BCCIP: variants seen among roughly 807,000 people sequenced by gnomAD.
The protein encoded by BCCIP is BRCA2 and CDKN1A interacting protein.
A neutral mutation model predicts 32.8 loss-of-function variants in BCCIP; 23 were observed. That is an observed-to-expected ratio of 0.70 (90% CI 0.51 to 0.99). The LOEUF (loss-of-function observed/expected upper bound fraction) is 0.99. BCCIP is among the 50% of genes least tolerant of loss of function. BCCIP has a pLI of 0.00. For synonymous variants in BCCIP, 144 were observed against 137.6 expected (o/e 1.05, Z -0.33); for missense variants, 378 against 379.8 (o/e 1.00, Z 0.04).
chr10:125,825,137 C>CT (rs762620555), intron 1 of BCCIP, among the ~76,000 whole-genome samples: 102 of 152,348 alleles, frequency 6.7e-4, no homozygotes, highest in Non-Finnish European at 1.3e-3. Flanking sequence ...CATGGGAAAT[C>CT]TATCACACCA....
At chr10:125,828,429 C>T (rs1225191088) in intron 3 of BCCIP, among the ~76,000 whole-genome samples, 1 of 152,106 alleles carries the variant, frequency 6.6e-6, no homozygotes, top group Non-Finnish European at 1.5e-5. Flanking sequence ...AAGGGACAGA[C>T]ACCTTAGTAA....
downstream of BCCIP, among the ~76,000 whole-genome samples, chr10:125,843,598 C>T (rs368751797): frequency 1.3e-5 from 2 of 151,232 alleles, no homozygotes; most frequent in Non-Finnish European, 2.9e-5. Flanking sequence ...GGCGACAGAG[C>T]GAGACTCCGT....
chr10:125,847,043 T>C (rs1002684778), downstream of BCCIP, among the ~76,000 whole-genome samples: 4 of 152,188 alleles, frequency 2.6e-5, no homozygotes, highest in Admixed American at 6.5e-5. Context: ...AGTTTCTGTT[T>C]CTGATTTATT....
chr10:125,843,630 TCA>T (rs1854940001), downstream of BCCIP, among the ~76,000 whole-genome samples: 1 of 151,570 alleles, frequency 6.6e-6, no homozygotes, highest in African/African-American at 2.4e-5. Flanking sequence ...AAAAACCTAC[TCA>T]CAAACTTCGA....
chr10:125,825,239 C>G (rs1854362002), intron 1 of BCCIP, among the ~76,000 whole-genome samples: 1 of 78,810 alleles, frequency 1.3e-5, no homozygotes, highest in African/African-American at 4.2e-5. Context: ...TGGAGATGAG[C>G]CCATACCCAG....
chr10:125,838,887 G>A (rs1854782783), downstream of BCCIP: 1 of 1,216,636 alleles, frequency 8.2e-7, no homozygotes, highest in Non-Finnish European at 1.1e-6. Flanking sequence ...TAATAACATG[G>A]ATTTTTAGTT....
At chr10:125,837,775 A>C (rs761616657), downstream of BCCIP, among the ~76,000 whole-genome samples, 5 of 152,172 alleles carry the variant, frequency 3.3e-5, no homozygotes, top group Non-Finnish European at 2.9e-5. Flanking sequence ...TGTGTACTGC[A>C]CTTAGATAAA....
intron 5 of BCCIP, among the ~76,000 whole-genome samples, chr10:125,832,137 T>C (rs1223702590): frequency 6.6e-6 from 1 of 152,222 alleles, no homozygotes; most frequent in Non-Finnish European, 1.5e-5. Flanking sequence ...AAGAATTGTA[T>C]TGTCTGTGCT....
At chr10:125,831,671 C>T in intron 5 of BCCIP, 64 bp downstream of exon 5, 1 of 1,458,114 alleles carries the variant, frequency 6.9e-7, no homozygotes. Context: ...TCCTAAATGT[C>T]ATTTAAGTAG....
At chr10:125,823,926 A>C (rs1483019579) in intron 1 of BCCIP, among the ~76,000 whole-genome samples, 1 of 152,180 alleles carries the variant, frequency 6.6e-6, no homozygotes, top group African/African-American at 2.4e-5. Context: ...AGTCCGGTCC[A>C]GTTAATCTCC....
At position 125,830,610 on chromosome 10, in the gene BCCIP, GT is replaced by G; in HGVS notation, c.375del (p.Phe125LeufsTer4). On this transcript the variant is annotated frameshift_variant, in exon 4 of 7. Transcript: ENST00000278100. LOFTEE classifies it high-confidence loss of function. ...DSNDDMDEDEVFGFISLLNLT... is the reference protein window; with the variant it reads ...DSNDDMDEDEXFGFISLLNLT... ...CAATGATGATATGGATGAAGATGAGGTTTTTGGTTTCATAAGCCTTTTAAAT... is the reference window on the plus strand; with the variant it reads ...CAATGATGATATGGATGAAGATGAGGTTTTGGTTTCATAAGCCTTTTAAAT... 2 of 1,609,262 alleles carry G rather than the reference GT, an allele frequency of 1.2e-6. No individual in the cohort carries two copies. The highest frequency in any genetic ancestry group is 1.1e-5 in the South Asian group (1 of 89,614).
chr10:125,846,795 G>T (rs1285053154), downstream of BCCIP, among the ~76,000 whole-genome samples: 2 of 152,118 alleles, frequency 1.3e-5, no homozygotes, highest in Non-Finnish European at 2.9e-5. Flanking sequence ...AGAATCAATG[G>T]CTCCCTTTCT....
At chr10:125,824,840 G>A (rs187444879) in intron 1 of BCCIP, among the ~76,000 whole-genome samples, 412 of 152,190 alleles carry the variant, frequency 2.7e-3, no homozygotes, top group Admixed American at 4.3e-3. Context: ...ATTGAGGGAC[G>A]GAAAGGCAGC....
chr10:125,852,398 G>C lies in BCCIP; in HGVS notation c.851-727G>C, dbSNP rs762647404. 1.9e-6 allele frequency: 3 copies of C among 1,614,218 alleles called. No homozygotes were observed. The South Asian group carries it at 3.3e-5, about 18-fold the overall frequency. ...GCTTCCTGCATTTCTGCTGGCTTCA[G>C]TGGCGTCATGTCTTTGGAGGCAAAT... On this transcript the variant is annotated intron_variant, in intron 7 of 7. Coordinates refer to the BCCIP transcript ENST00000368759.
rs761988942 is a variant in BCCIP, at chr10:125,827,540, A to AT, written c.241-12dup. 1.3e-6 allele frequency: 2 copies of AT among 1,536,218 alleles called. No individual in the cohort carries two copies. The highest frequency in any genetic ancestry group is 1.7e-5 in the Admixed American group (1 of 57,216). ...CATGCTTTGATCTTAATTTAAAATA[A>AT]TTTTTTCCTCCTTTTAGCTTTTTCT... On this transcript the variant is annotated splice_polypyrimidine_tract_variant and intron_variant, in intron 2 of 6. Transcript: ENST00000278100.
At chr10:125,836,922 G>A, downstream of BCCIP, 3 of 1,413,022 alleles carry the variant, frequency 2.1e-6, no homozygotes, top group East Asian at 7.0e-5. Context: ...CAAACATTAT[G>A]TCTGGGCACT....
Position 125,841,906 on chromosome 10 carries a change from T to C in BCCIP, c.*547T>C. 2 of 1,601,124 alleles carry C rather than the reference T, an allele frequency of 1.2e-6. No individual in the cohort carries two copies. The highest frequency in any genetic ancestry group is 1.7e-6 in the Non-Finnish European group (2 of 1,176,600). On this transcript the variant is annotated 3_prime_UTR_variant, in exon 7 of 7. Transcript: ENST00000299130. Reference sequence around the variant, plus strand: ...CCAGTGCTGCCAGATAATCTAAGTCTTCCAATGCCTGCATCAAACTTTCTG... The same window carrying C: ...CCAGTGCTGCCAGATAATCTAAGTCCTCCAATGCCTGCATCAAACTTTCTG...
downstream of BCCIP, among the ~76,000 whole-genome samples, chr10:125,845,819 C>G (rs540304808): frequency 3.3e-5 from 5 of 152,248 alleles, no homozygotes; most frequent in African/African-American, 7.2e-5. Flanking sequence ...CAGTGCCACC[C>G]GCACCGTGAG....
chr10:125,826,942 G>GCTATGAA (rs1263796985), intron 2 of BCCIP, among the ~76,000 whole-genome samples: 1 of 145,596 alleles, frequency 6.9e-6, no homozygotes, highest in African/African-American at 2.5e-5. Flanking sequence ...CAAGGCTGCA[G>GCTATGAA]CTATGAATGT....
Sources: gnomAD v4.1 joint callset for allele counts (sites outside exome capture counted in the v4.1 genomes callset) on GRCh38, gnomAD v4.1.1 for gene constraint, MANE v1.5 for transcripts, NCBI Gene and HGNC (gene_info 2026-07-23, HGNC 2026-07-21) for gene names.